Variants in MYO9B observed in about 807,000 individuals in gnomAD.
MYO9B encodes myosin IXB.
A neutral mutation model predicts 229.5 loss-of-function variants in MYO9B; 71 were observed. That is an observed-to-expected ratio of 0.31 (90% confidence interval 0.26 to 0.38). The LOEUF (loss-of-function observed/expected upper bound fraction) is 0.38, where lower values mean the gene tolerates loss of function less well. Ranked by LOEUF, MYO9B falls within the 10% of genes least tolerant of loss-of-function variation. The pLI, the probability that MYO9B is intolerant of heterozygous loss-of-function variation, is 1.00. For synonymous variants in MYO9B, 1,185 were observed against 1,235.8 expected (o/e 0.96, Z 0.86); for missense variants, 2,255 against 2,920.5 (o/e 0.77, Z 5.25).
rs2072736118 is a variant in MYO9B, at chr19:17,172,549, GGATCCTCCTGTGGGC to G, written c.1935+75_1935+89del. 4 of 1,579,336 alleles carry G rather than the reference GGATCCTCCTGTGGGC, an allele frequency of 2.5e-6. No homozygotes were observed. The highest frequency in any genetic ancestry group is 3.4e-6 in the Non-Finnish European group (4 of 1,161,816). Reference sequence around the variant, plus strand: ...AGTCAGCCCAGAAGCCCATGTGGGAGGATCCTCCTGTGGGCGAGGTTCCAGGGTGCTCAGAACCCA... The same window carrying G: ...AGTCAGCCCAGAAGCCCATGTGGGAGGAGGTTCCAGGGTGCTCAGAACCCA... On this transcript the variant is annotated intron_variant, in intron 12 of 39. Coordinates refer to ENST00000682292, the MANE Select transcript of MYO9B (RefSeq NM_004145.4). The surrounding 1 kb of genome is among the most constrained non-coding windows in gnomAD (Gnocchi z 8.2).
intron 1 of MYO9B, among the ~76,000 whole-genome samples, chr19:17,076,863 A>C (rs1321071830): frequency 6.6e-6 from 1 of 152,138 alleles, no homozygotes; most frequent in Admixed American, 6.5e-5. Flanking sequence ...CCTTGGACTT[A>C]AATGGGTAAA....
chr19:17,210,922 T>G, intron 38 of MYO9B, 74 bp downstream of exon 38: 1 of 1,523,716 alleles, frequency 6.6e-7, no homozygotes, highest in South Asian at 1.2e-5. Flanking sequence ...TCCCTGGTGG[T>G]CCGCTTGACC....
At position 17,194,728 on chromosome 19, in the gene MYO9B, C is replaced by A; in HGVS notation, c.3301C>A (p.Pro1101Thr). 1 of 1,612,970 alleles carries A rather than the reference C, an allele frequency of 6.2e-7. No homozygotes were observed. Among genetic ancestry groups the A allele is most frequent in the East Asian group, 2.2e-5 (1 of 44,874 alleles). The change falls in exon 22 of 40, where the codon CCT (proline) becomes ACT (threonine). Residue 1101 changes from proline (P) to threonine (T), a missense_variant. Pro to Thr is a conservative substitution (Grantham distance 38, BLOSUM62 -1). Transcript: ENST00000682292. The stretch of plus-strand genomic sequence containing the variant: ...GGATGGCGGGCACCTGGCATCGGAG[C>A]CTGAGGTGCAGCCAAGTGACAGGTC... The part of the protein sequence containing the change: ...AEDGGHLASE[P>T]EVQPSDRSPL...
At chr19:17,148,075 T>C (rs905077896) in intron 3 of MYO9B, among the ~76,000 whole-genome samples, 3 of 152,174 alleles carry the variant, frequency 2.0e-5, no homozygotes, top group African/African-American at 7.2e-5. Context: ...CCACCTCTTA[T>C]CTTTGGTTTT....
At chr19:17,128,002 G>A (rs2072146554) in intron 2 of MYO9B, among the ~76,000 whole-genome samples, 1 of 152,102 alleles carries the variant, frequency 6.6e-6, no homozygotes, top group Non-Finnish European at 1.5e-5. Context: ...TGCCCAAATT[G>A]CCCAGCAGTA....
chr19:17,206,447 C>T lies in MYO9B; in HGVS notation c.5386+71C>T, dbSNP rs2073163629. On this transcript the variant is annotated intron_variant, in intron 33 of 39. Coordinates refer to ENST00000682292, the MANE Select transcript of MYO9B (RefSeq NM_004145.4). ...GATACAGCGTTCGCTGTGACCAGCC[C>T]AGGAGGCAGGACCACCCAGTTCACA... The T allele has an allele frequency of 5.1e-6, 8 of 1,555,452 alleles. No individual in the cohort carries two copies. The South Asian group carries it at 8.4e-5, about 16-fold the overall frequency.
At chr19:17,191,939 C>T (rs542705609) in intron 20 of MYO9B, among the ~76,000 whole-genome samples, 3 of 148,592 alleles carry the variant, frequency 2.0e-5, no homozygotes, top group East Asian at 2.0e-4. Flanking sequence ...CCTGGGTGAC[C>T]GAGCGAGATC....
At chr19:17,100,143 C>T (rs2057731291) in intron 1 of MYO9B, among the ~76,000 whole-genome samples, 1 of 148,770 alleles carries the variant, frequency 6.7e-6, no homozygotes, top group Admixed American at 6.7e-5. Flanking sequence ...AAAGCCCAGA[C>T]TTCACCACTA....
chr19:17,101,451 G>A lies in MYO9B; in HGVS notation c.-58-209G>A, dbSNP rs1162440898. Reference sequence around the variant, plus strand: ...TAAAGTGTTGGGATTATAAGCATGAGCCACTGCAGGAGCCTGAGGTCACAT... The same window carrying A: ...TAAAGTGTTGGGATTATAAGCATGAACCACTGCAGGAGCCTGAGGTCACAT... On this transcript the variant is annotated intron_variant, in intron 1 of 39. Transcript: ENST00000682292. The surrounding 1 kb of genome is among the most constrained non-coding windows in gnomAD (Gnocchi z 4.7). 6.6e-6 allele frequency among the ~76,000 whole-genome samples: 1 copy of A among 152,112 alleles called. No homozygotes were observed. Among genetic ancestry groups the A allele is most frequent in the Non-Finnish European group, 1.5e-5 (1 of 68,012 alleles).
At chr19:17,149,997 C>T (rs1023027305) in intron 3 of MYO9B, among the ~76,000 whole-genome samples, 1 of 152,192 alleles carries the variant, frequency 6.6e-6, no homozygotes, top group Non-Finnish European at 1.5e-5. Context: ...GTTACTAGCC[C>T]GGCAAAGGAA....
intron 2 of MYO9B, among the ~76,000 whole-genome samples, chr19:17,130,551 C>T (rs10406328): frequency 0.012 from 1,834 of 151,632 alleles, 46 homozygotes; most frequent in African/African-American, 0.04. Flanking sequence ...ACCCAGGAGG[C>T]GGAGCTTGGA....
At chr19:17,152,729 A>G (rs773530978) in intron 4 of MYO9B, 23 bp downstream of exon 4, 31 of 1,594,448 alleles carry the variant, frequency 1.9e-5, no homozygotes, top group Non-Finnish European at 2.6e-5. Context: ...TTTCCCAGGA[A>G]TCTCTGAATG....
In MYO9B at chr19:17,169,919, G is replaced by C. The variant is rs576681666; in HGVS notation, c.1793+1855G>C. Among the ~76,000 whole-genome samples the C allele has an allele frequency of 2.1e-5, 3 of 142,958 alleles. No homozygotes were observed. In the East Asian group the frequency reaches 6.3e-4, roughly 30 times the overall value. 93.8% of individuals were successfully genotyped at this position (142,958 alleles called of 152,430 possible). ...TTAATTGGCGTCATCTCAGCTCACTGTAACCCCCACCTCCCAGGATCAAGC... is the reference window on the plus strand; with the variant it reads ...TTAATTGGCGTCATCTCAGCTCACTCTAACCCCCACCTCCCAGGATCAAGC... On this transcript the variant is annotated intron_variant, in intron 11 of 39. Transcript: ENST00000682292.
rs59741893 is a variant in MYO9B at position 17,121,444 on chromosome 19, A to AATATATATATATATATAT, written c.840+18890_840+18907dup. On this transcript the variant is annotated intron_variant, in intron 2 of 39. Coordinates refer to ENST00000682292, the MANE Select transcript of MYO9B (RefSeq NM_004145.4). ...ACACTTACAGCAGATATGTATTCCA[A>AATATATATATATATATAT]ATATATATATATATATATATCCAAG... Among the ~76,000 whole-genome samples, 227 of 142,598 alleles carry AATATATATATATATATAT rather than the reference A, an allele frequency of 1.6e-3. 3 individuals carry two copies. Among genetic ancestry groups the AATATATATATATATATAT allele is most frequent in the African/African-American group, 4.7e-3 (181 of 38,284 alleles). 93.5% of individuals were successfully genotyped at this position (142,598 alleles called of 152,430 possible). A position where few individuals can be genotyped will look rare whatever the true frequency, so the allele number is the denominator to read the frequency against.
intron 2 of MYO9B, among the ~76,000 whole-genome samples, chr19:17,129,030 A>G (rs896524219): frequency 2.6e-5 from 4 of 152,176 alleles, no homozygotes; most frequent in African/African-American, 9.6e-5. Context: ...GGAGATCAGA[A>G]GTTCTGCGTG....
intron 2 of MYO9B, among the ~76,000 whole-genome samples, chr19:17,118,410 T>A (rs1289032365): frequency 6.6e-6 from 1 of 152,072 alleles, no homozygotes; most frequent in Non-Finnish European, 1.5e-5. Context: ...GAGACCAGCA[T>A]GACAACATAG....
Position 17,137,857 on chromosome 19 carries a change from A to G in MYO9B, c.841-7540A>G, listed in dbSNP as rs560477230. On this transcript the variant is annotated intron_variant, in intron 2 of 39. Transcript: ENST00000682292. ...TGGGCTGAAGCAATCCTCCCACCTC[A>G]GCCTCCAAAGTAACTGGAACTACAG... 1.1e-4 allele frequency among the ~76,000 whole-genome samples: 16 copies of G among 150,838 alleles called. No individual in the cohort carries two copies. In the South Asian group the frequency reaches 3.3e-3, roughly 32 times the overall value.
chr19:17,194,486 ATCGGAAC>A (rs1309292054), intron 21 of MYO9B, 63 bp from the exon 22 acceptor site: 1 of 1,544,720 alleles, frequency 6.5e-7, no homozygotes, highest in Non-Finnish European at 8.8e-7. Context: ...TGGGGGTCCC[ATCGGAAC>A]TCAGTGGGAG....
chr19:17,207,383 G>C (rs1025558585), intron 35 of MYO9B, 139 bp downstream of exon 35: 13 of 1,236,074 alleles, frequency 1.1e-5, no homozygotes, highest in Admixed American at 2.6e-5. Context: ...TGTAATCCTA[G>C]CTACTTTGGG....
Sources: gnomAD v4.1 joint callset for allele counts (sites outside exome capture counted in the v4.1 genomes callset) on GRCh38, gnomAD v4.1.1 for gene constraint, Gnocchi (gnomAD v3.1) non-coding constraint, MANE v1.5 for transcripts, NCBI Gene and HGNC (gene_info 2026-07-23, HGNC 2026-07-21) for gene names.